Variants in PPP1R9A observed in about 807,000 individuals in gnomAD.
PPP1R9A encodes neurabin-1.
In PPP1R9A, 59 loss-of-function variants were observed where a neutral mutation model predicts 141.9. The observed-to-expected ratio is 0.42, with a 90% CI of 0.34 to 0.52. The LOEUF is 0.52. Ranked by LOEUF, PPP1R9A falls within the 20% of genes least tolerant of loss-of-function variation. The pLI, the probability that PPP1R9A is intolerant of heterozygous loss-of-function variation, is 0.10. For missense variants in PPP1R9A, 1,444 were observed against 1,611.9 expected, an observed-to-expected ratio of 0.90 and a Z score of 1.78; for synonymous variants, 500 against 569.7, an observed-to-expected ratio of 0.88 and a Z score of 1.74.
intron 5 of PPP1R9A, among the ~76,000 whole-genome samples, chr7:95,169,259 A>G (rs1831743126): frequency 6.6e-6 from 1 of 152,006 alleles, no homozygotes; most frequent in African/African-American, 2.4e-5. Flanking sequence ...ACTGGAGGTC[A>G]TTATGTTAAC....
At chr7:95,100,142 A>C (rs887196729) in intron 2 of PPP1R9A, among the ~76,000 whole-genome samples, 1 of 152,040 alleles carries the variant, frequency 6.6e-6, no homozygotes, top group African/African-American at 2.4e-5. Flanking sequence ...AAATTTGAGG[A>C]GTCGTGGTGG....
chr7:94,981,452 C>G (rs1443300488), intron 2 of PPP1R9A, among the ~76,000 whole-genome samples: 4 of 152,108 alleles, frequency 2.6e-5, no homozygotes, highest in Non-Finnish European at 5.9e-5. Flanking sequence ...GTTGGCCAGG[C>G]TGGTCTCAAA....
rs80005836 is a variant in PPP1R9A at position 95,157,265 on chromosome 7, C to A, written c.1650-4602C>A. Reference sequence around the variant, plus strand: ...CCTTCTCAGCTCCCCCTCTCCCCCCCCAGAGTGCAGGGATACCTGGGTCTG... The same window carrying A: ...CCTTCTCAGCTCCCCCTCTCCCCCCACAGAGTGCAGGGATACCTGGGTCTG... On this transcript the variant is annotated intron_variant, in intron 4 of 19. Coordinates refer to ENST00000433360, the MANE Select transcript of PPP1R9A (RefSeq NM_001166160.2). 2.3e-3 allele frequency among the ~76,000 whole-genome samples: 348 copies of A among 152,236 alleles called. 2 individuals carry two copies. Among genetic ancestry groups the A allele is most frequent in the African/African-American group, 7.7e-3 (321 of 41,570 alleles).
intron 2 of PPP1R9A, among the ~76,000 whole-genome samples, chr7:95,044,284 T>G (rs1301657394): frequency 6.6e-6 from 1 of 152,216 alleles, no homozygotes; most frequent in African/African-American, 2.4e-5. Context: ...TCCCTCTACT[T>G]TCTCCTCCTC....
intron 2 of PPP1R9A, among the ~76,000 whole-genome samples, chr7:95,008,834 A>G (rs1300025199): frequency 1.3e-5 from 2 of 152,176 alleles, no homozygotes; most frequent in African/African-American, 2.4e-5. Context: ...TCATGCTACT[A>G]TAAAGACACA....
intron 5 of PPP1R9A, among the ~76,000 whole-genome samples, chr7:95,178,770 A>T (rs570371418): frequency 3.9e-5 from 6 of 152,276 alleles, no homozygotes; most frequent in Non-Finnish European, 7.4e-5. Context: ...TACACTAGAA[A>T]ACCTAGAAGA....
chr7:95,137,319 G>A (rs934562701), intron 4 of PPP1R9A, among the ~76,000 whole-genome samples: 1 of 137,810 alleles, frequency 7.3e-6, no homozygotes, highest in African/African-American at 2.7e-5. Flanking sequence ...CCACCTATGA[G>A]TAAGAACATG....
intron 2 of PPP1R9A, among the ~76,000 whole-genome samples, chr7:95,081,099 C>G (rs1815754949): frequency 6.6e-6 from 1 of 152,016 alleles, no homozygotes; most frequent in South Asian, 2.1e-4. Context: ...CCTAACAAAG[C>G]TTAAAATCAA....
At chr7:94,979,889 T>A (rs1427483663) in intron 2 of PPP1R9A, among the ~76,000 whole-genome samples, 6 of 152,176 alleles carry the variant, frequency 3.9e-5, no homozygotes. Flanking sequence ...GTTACTTTGG[T>A]TGACAATGTT....
At chr7:94,933,052 A>T (rs1379577735) in intron 2 of PPP1R9A, among the ~76,000 whole-genome samples, 1 of 152,028 alleles carries the variant, frequency 6.6e-6, no homozygotes, top group East Asian at 1.9e-4. Context: ...ATATACACAT[A>T]TTTAGTGTCA....
chr7:95,217,008 A>G (rs987383456), intron 7 of PPP1R9A, among the ~76,000 whole-genome samples: 6 of 152,112 alleles, frequency 3.9e-5, no homozygotes, highest in Non-Finnish European at 1.5e-5. Context: ...CACTATGTTG[A>G]ATAGGAGTGG....
At chr7:95,113,317 G>A (rs1337856767) in intron 3 of PPP1R9A, among the ~76,000 whole-genome samples, 3 of 152,150 alleles carry the variant, frequency 2.0e-5, no homozygotes, top group Non-Finnish European at 2.9e-5. Flanking sequence ...AGAGAAAAAC[G>A]ACAATGGAGA....
chr7:95,257,737 A>G (rs182763847), intron 12 of PPP1R9A, among the ~76,000 whole-genome samples: 43 of 152,098 alleles, frequency 2.8e-4, no homozygotes, highest in Non-Finnish European at 4.1e-4. Flanking sequence ...TCACTGTTCA[A>G]TTCTCACCTA....
chr7:95,262,373 A>G (rs1800567389), intron 12 of PPP1R9A, among the ~76,000 whole-genome samples: 1 of 152,218 alleles, frequency 6.6e-6, no homozygotes, highest in South Asian at 2.1e-4. Context: ...ATCTAAAGAC[A>G]TCTGACACTG....
At chr7:95,007,244 A>G (rs1803749350) in intron 2 of PPP1R9A, among the ~76,000 whole-genome samples, 1 of 152,280 alleles carries the variant, frequency 6.6e-6, no homozygotes, top group Middle Eastern at 3.4e-3. Context: ...AAATTATTCT[A>G]GGGAGATATT....
At chr7:95,187,079 A>G (rs1321107227) in intron 5 of PPP1R9A, among the ~76,000 whole-genome samples, 1 of 152,038 alleles carries the variant, frequency 6.6e-6, no homozygotes, top group Non-Finnish European at 1.5e-5. Context: ...AGTTTCAGAA[A>G]GGTTGGTACC....
Position 95,208,580 on chromosome 7 carries a change from C to T in PPP1R9A, c.1956+4850C>T, listed in dbSNP as rs150692528. On this transcript the variant is annotated intron_variant, in intron 7 of 19. Coordinates refer to ENST00000433360, the MANE Select transcript of PPP1R9A (RefSeq NM_001166160.2). The stretch of plus-strand genomic sequence containing the variant: ...TTTACTAAAAATGCAAAAAATTAGC[C>T]GGGCATGGTGGTGGGTGCCTGTAGT... Among the ~76,000 whole-genome samples, 1,500 of 151,558 alleles carry T rather than the reference C, an allele frequency of 9.9e-3. 35 individuals carry two copies. Among genetic ancestry groups the T allele is most frequent in the African/African-American group, 0.035 (1,448 of 41,270 alleles).
intron 2 of PPP1R9A, among the ~76,000 whole-genome samples, chr7:95,080,391 A>G (rs993369607): frequency 3.9e-5 from 6 of 152,178 alleles, no homozygotes; most frequent in Non-Finnish European, 5.9e-5. Flanking sequence ...AGGGACGTGA[A>G]GGACCTCTTC....
chr7:95,210,354 AT>A (rs200694536), intron 7 of PPP1R9A, among the ~76,000 whole-genome samples: 33 of 152,140 alleles, frequency 2.2e-4, no homozygotes, highest in Non-Finnish European at 2.6e-4. Context: ...GGCATAAAAA[AT>A]AAAAATTAAT....
Sources: gnomAD v4.1 joint callset for allele counts (sites outside exome capture counted in the v4.1 genomes callset) on GRCh38, gnomAD v4.1.1 for gene constraint, MANE v1.5 for transcripts, NCBI Gene and HGNC (gene_info 2026-07-23, HGNC 2026-07-21) for gene names.